Variants in WWOX observed in about 807,000 individuals in gnomAD.
WWOX encodes WW domain containing oxidoreductase.
A neutral mutation model predicts 46.2 loss-of-function variants in WWOX; 69 were observed. The observed-to-expected ratio is 1.49, with a 90% confidence interval of 1.23 to 1.82. WWOX has a LOEUF of 1.82. WWOX is among the 40% of genes most tolerant of loss of function. The probability of loss-of-function intolerance (pLI) is 0.00; values close to 1 mark genes in which losing one functional copy is unlikely to be tolerated. For missense variants in WWOX, 919 were observed against 542.6 expected (o/e 1.69, Z -6.89); for synonymous variants, 359 against 202.6 (o/e 1.77, Z -6.56).
intron 5 of WWOX, among the ~76,000 whole-genome samples, chr16:78,384,133 A>G (rs1045178074): frequency 6.6e-6 from 1 of 152,146 alleles, no homozygotes; most frequent in Non-Finnish European, 1.5e-5. Context: ...GCGTTTTTAT[A>G]ATATGTAGCC....
chr16:78,988,216 C>T (rs1320618555), intron 8 of WWOX, among the ~76,000 whole-genome samples: 1 of 151,840 alleles, frequency 6.6e-6, no homozygotes, highest in Non-Finnish European at 1.5e-5. Context: ...TGGTGACAGG[C>T]ATCTGTAATC....
intron 5 of WWOX, among the ~76,000 whole-genome samples, chr16:78,313,264 A>G (rs572047246): frequency 6.6e-6 from 1 of 152,326 alleles, no homozygotes; most frequent in East Asian, 1.9e-4. Context: ...TCTATAAAAT[A>G]TGGCTTATAA....
At chr16:79,068,672 G>T (rs558960934) in intron 8 of WWOX, among the ~76,000 whole-genome samples, 4 of 151,708 alleles carry the variant, frequency 2.6e-5, no homozygotes, top group African/African-American at 4.8e-5. Context: ...TTAGCCAGGC[G>T]TGGGGGTGCA....
chr16:78,248,211 C>G (rs559044599), intron 5 of WWOX, among the ~76,000 whole-genome samples: 1 of 152,026 alleles, frequency 6.6e-6, no homozygotes, highest in South Asian at 2.1e-4. Flanking sequence ...TCTGGGGAGG[C>G]CTCAGGAAAC....
intron 8 of WWOX, among the ~76,000 whole-genome samples, chr16:78,531,534 ATAG>A: frequency 6.6e-6 from 1 of 152,152 alleles, no homozygotes; most frequent in Non-Finnish European, 1.5e-5. Flanking sequence ...ATGAAGTTGG[ATAG>A]TTAGAATGAG....
intron 8 of WWOX, among the ~76,000 whole-genome samples, chr16:78,749,877 G>C (rs573700790): frequency 6.6e-6 from 1 of 152,266 alleles, no homozygotes; most frequent in African/African-American, 2.4e-5. Context: ...TTAATACCAA[G>C]TTTGACTTTC....
Position 78,756,947 on chromosome 16 carries a change from C to T in WWOX, c.1056+324195C>T, listed in dbSNP as rs924848598. The stretch of plus-strand genomic sequence containing the variant: ...GTGGATCATTCACTCTAGGAAAAGC[C>T]AGCTGCCATGTTGGGAGGATACTCA... On this transcript the variant is annotated intron_variant, in intron 8 of 8. Transcript: ENST00000566780. 1.3e-5 allele frequency: 9 copies of T among 702,840 alleles called. No individual in the cohort carries two copies. In the African/African-American group the frequency reaches 1.6e-4, roughly 12 times the overall value. 43.5% of individuals were successfully genotyped at this position (702,840 alleles called of 1,614,324 possible).
At chr16:79,009,983 A>G (rs1024265842) in intron 8 of WWOX, among the ~76,000 whole-genome samples, 1 of 152,194 alleles carries the variant, frequency 6.6e-6, no homozygotes, top group African/African-American at 2.4e-5. Flanking sequence ...TCTGAACCTC[A>G]GTATCCTAGG....
chr16:79,013,328 A>C (rs1409779784), intron 8 of WWOX, among the ~76,000 whole-genome samples: 2 of 152,036 alleles, frequency 1.3e-5, no homozygotes, highest in Admixed American at 1.3e-4. Context: ...TGTGCTGGGG[A>C]GTGGTGAGTA....
chr16:79,160,903 A>G (rs2050474372), intron 8 of WWOX, among the ~76,000 whole-genome samples: 1 of 152,078 alleles, frequency 6.6e-6, no homozygotes. Context: ...ATATACACAT[A>G]CAATACATAT....
chr16:78,140,640 C>T (rs2033954837), intron 4 of WWOX, among the ~76,000 whole-genome samples: 3 of 152,138 alleles, frequency 2.0e-5, no homozygotes, highest in Admixed American at 2.0e-4. Flanking sequence ...CATCATCTTC[C>T]CTCTATTACT....
intron 8 of WWOX, among the ~76,000 whole-genome samples, chr16:78,765,041 C>G (rs1050382503): frequency 6.6e-6 from 1 of 152,170 alleles, no homozygotes; most frequent in Admixed American, 6.5e-5. Flanking sequence ...CCCTGCCCAA[C>G]AGGACAGTGG....
At chr16:78,284,423 T>A (rs1272423246) in intron 5 of WWOX, among the ~76,000 whole-genome samples, 1 of 152,172 alleles carries the variant, frequency 6.6e-6, no homozygotes, top group African/African-American at 2.4e-5. Flanking sequence ...GTGGCAAGAG[T>A]TATCTTTGTC....
chr16:78,218,010 A>AT (rs1018055701), intron 5 of WWOX, among the ~76,000 whole-genome samples: 10 of 151,630 alleles, frequency 6.6e-5, no homozygotes, highest in Admixed American at 3.3e-4. Context: ...CACCCCCTCA[A>AT]TTTTTTTACT....
At chr16:78,935,100 A>G (rs149307973) in intron 8 of WWOX, among the ~76,000 whole-genome samples, 16 of 152,318 alleles carry the variant, frequency 1.1e-4, no homozygotes, top group African/African-American at 3.6e-4. Context: ...AAAGTCAGGA[A>G]AAAACAGGTC....
In WWOX at chr16:78,732,239, A is replaced by C. The variant is rs184484041; in HGVS notation, c.1056+299487A>C. Among the ~76,000 whole-genome samples, 4 of 152,144 alleles carry C rather than the reference A, an allele frequency of 2.6e-5. No homozygotes were observed. In the East Asian group the frequency reaches 7.7e-4, roughly 29 times the overall value. ...GTACAGGTGACGCTGCAGACTCTTGAAGTTAGGTCATAAAAGATGATCCTG... is the reference window on the plus strand; with the variant it reads ...GTACAGGTGACGCTGCAGACTCTTGCAGTTAGGTCATAAAAGATGATCCTG... On this transcript the variant is annotated intron_variant, in intron 8 of 8. Transcript: ENST00000566780.
Position 78,320,987 on chromosome 16 carries a change from G to C in WWOX, c.517-65873G>C, listed in dbSNP as rs137879543. ...ACAATTAGAGTCTGCATTGTTTGTA[G>C]CTTGATTCTATTTATAATGTACTCA... On this transcript the variant is annotated intron_variant, in intron 5 of 8. Transcript: ENST00000566780. Among the ~76,000 whole-genome samples, 202 of 152,194 alleles carry C rather than the reference G, an allele frequency of 1.3e-3. 4 individuals carry two copies. The East Asian group carries it at 0.024, about 18-fold the overall frequency.
rs1419186785 is a variant in WWOX at position 79,153,747 on chromosome 16, G to GT, written c.1057-57855dup. Among the ~76,000 whole-genome samples the GT allele has an allele frequency of 2.6e-5, 4 of 151,872 alleles. No homozygotes were observed. The South Asian group carries it at 6.2e-4, about 24-fold the overall frequency. On this transcript the variant is annotated intron_variant, in intron 8 of 8. Coordinates refer to ENST00000566780, the MANE Select transcript of WWOX (RefSeq NM_016373.4). ...GTGAAAGCAACCTTTAGTATCATCT[G>GT]TTTTTTGGGGGGGGTTTTTTGTTGT...
chr16:78,203,318 G>T (rs564687376), intron 5 of WWOX, among the ~76,000 whole-genome samples: 82 of 152,148 alleles, frequency 5.4e-4, no homozygotes, highest in Non-Finnish European at 8.7e-4. Context: ...GGAAACTGCA[G>T]CACTGGTTCA....
Sources: allele counts gnomAD v4.1 joint callset (sites outside exome capture counted in the v4.1 genomes callset), GRCh38; gene constraint gnomAD v4.1.1; transcripts MANE v1.5; gene names NCBI Gene and HGNC (gene_info 2026-07-23, HGNC 2026-07-21).